EFCAB5: variants seen among roughly 807,000 people sequenced by gnomAD.
EFCAB5 encodes EF-hand calcium binding domain 5.
In EFCAB5, 131 loss-of-function variants were observed where a neutral mutation model predicts 167.9. The ratio of observed to expected loss-of-function variants is 0.78; its 90% CI spans 0.68 to 0.90. The LOEUF is 0.90. EFCAB5 is among the 40% of genes least tolerant of loss of function. EFCAB5 has a pLI of 0.00. For missense variants in EFCAB5, 1,663 were observed against 1,745.2 expected, an observed-to-expected ratio of 0.95 and a Z score of 0.84; for synonymous variants, 574 against 602.8, an observed-to-expected ratio of 0.95 and a Z score of 0.70.
rs754874875 is a variant in EFCAB5, at chr17:30,080,082, C to T, written c.3038C>T (p.Ala1013Val). ...TFKALMQDAE[A>V]HGNKKISAHI... ...AACGTTTTGCTGTAGGATGCTGAAG[C>T]CCATGGAAATAAAAAGATCAGTGCT... Residue 1013 changes from alanine to valine, a missense_variant, in exon 16 of 23, where the codon GCC becomes GTC. Ala to Val is a moderately conservative substitution (Grantham distance 64). Coordinates refer to ENST00000394835, the MANE Select transcript of EFCAB5 (RefSeq NM_198529.4). The T allele has an allele frequency of 3.7e-6, 6 of 1,606,782 alleles. No individual in the cohort carries two copies. The Admixed American group carries it at 1.0e-4, about 28-fold the overall frequency.
At chr17:30,090,813 A>T (rs2071181868) in intron 20 of EFCAB5, 139 bp downstream of exon 20, 1 of 1,259,034 alleles carries the variant, frequency 7.9e-7, no homozygotes, top group Non-Finnish European at 1.1e-6. Context: ...GAATTCCCTT[A>T]TGCAGTCTTG....
chr17:30,044,786 A>G (rs1274899862), intron 8 of EFCAB5, among the ~76,000 whole-genome samples: 1 of 152,192 alleles, frequency 6.6e-6, no homozygotes, highest in African/African-American at 2.4e-5. Context: ...CTCCTAGATT[A>G]TATACCTAAG....
intron 8 of EFCAB5, among the ~76,000 whole-genome samples, chr17:30,046,493 T>C (rs958598227): frequency 6.6e-6 from 1 of 152,208 alleles, no homozygotes; most frequent in Non-Finnish European, 1.5e-5. Context: ...CTCTATTTCT[T>C]GTAGCTTCAG....
At chr17:29,947,308 T>G (rs2067422692) in intron 3 of EFCAB5, among the ~76,000 whole-genome samples, 1 of 152,048 alleles carries the variant, frequency 6.6e-6, no homozygotes, top group African/African-American at 2.4e-5. Context: ...GTGAAGTAAC[T>G]CAAGAATGGA....
upstream of EFCAB5, among the ~76,000 whole-genome samples, chr17:29,939,247 G>A (rs1319526211): frequency 1.3e-5 from 2 of 152,186 alleles, no homozygotes; most frequent in African/African-American, 2.4e-5. Context: ...TCTCAAGGGT[G>A]TATTTAAAAT....
intron 5 of EFCAB5, among the ~76,000 whole-genome samples, 162 bp from the exon 6 acceptor site, chr17:29,996,150 G>C (rs1157289231): frequency 6.6e-6 from 1 of 152,052 alleles, no homozygotes; most frequent in East Asian, 1.9e-4. Context: ...CCCCCTTGTA[G>C]AAAGTATATG....
intron 4 of EFCAB5, among the ~76,000 whole-genome samples, chr17:29,978,520 A>G (rs2068106027): frequency 1.3e-5 from 2 of 152,168 alleles, no homozygotes; most frequent in Non-Finnish European, 2.9e-5. Context: ...CTGCAAGATC[A>G]TGGTCTCCCT....
chr17:29,935,577 C>A (rs2067238178), intron 1 of EFCAB5, among the ~76,000 whole-genome samples: 1 of 151,792 alleles, frequency 6.6e-6, no homozygotes, highest in South Asian at 2.1e-4. Context: ...AGAAACTCTA[C>A]CAGTTATTTG....
At chr17:30,005,211 T>A (rs1367090368) in intron 7 of EFCAB5, among the ~76,000 whole-genome samples, 1 of 152,096 alleles carries the variant, frequency 6.6e-6, no homozygotes, top group Non-Finnish European at 1.5e-5. Context: ...CAACAGTAGG[T>A]ATTATTGAGT....
At chr17:30,093,017 G>T in intron 22 of EFCAB5, 81 bp downstream of exon 22, 1 of 1,087,836 alleles carries the variant, frequency 9.2e-7, no homozygotes, top group Non-Finnish European at 1.3e-6. Context: ...GATAAAGCAA[G>T]TGGGTCATAA....
chr17:30,044,910 A>G (rs1372242509), intron 8 of EFCAB5, among the ~76,000 whole-genome samples: 3 of 152,196 alleles, frequency 2.0e-5, no homozygotes, highest in East Asian at 1.9e-4. Flanking sequence ...CCAAATGTCC[A>G]TCGACTTGTG....
intron 7 of EFCAB5, among the ~76,000 whole-genome samples, chr17:30,021,337 A>G (rs1597681362): frequency 6.8e-6 from 1 of 147,952 alleles, no homozygotes; most frequent in East Asian, 1.9e-4. Context: ...TAAATATTTA[A>G]TAAATATGGT....
At chr17:30,022,823 A>G (rs1452823164) in intron 7 of EFCAB5, among the ~76,000 whole-genome samples, 4 of 152,246 alleles carry the variant, frequency 2.6e-5, no homozygotes, top group African/African-American at 4.8e-5. Flanking sequence ...AAATTATAAC[A>G]AACTATCTCT....
At chr17:29,972,824 G>A (rs2067986545) in intron 4 of EFCAB5, 1 of 216,264 alleles carries the variant, frequency 4.6e-6, no homozygotes, top group South Asian at 8.4e-5. Context: ...GCCTGTTGAT[G>A]GCCATGGTCT....
At chr17:30,054,897 A>G (rs894356984) in intron 10 of EFCAB5, among the ~76,000 whole-genome samples, 1 of 152,192 alleles carries the variant, frequency 6.6e-6, no homozygotes, top group Non-Finnish European at 1.5e-5. Flanking sequence ...CTCTTGTTCA[A>G]GTAACCTTTA....
intron 7 of EFCAB5, among the ~76,000 whole-genome samples, chr17:30,026,607 T>C (rs1450055138): frequency 6.6e-6 from 1 of 152,208 alleles, no homozygotes; most frequent in Non-Finnish European, 1.5e-5. Flanking sequence ...TTTCCAGGAC[T>C]TTTTTAGTTG....
At chr17:29,958,586 A>G (rs1241614201) in intron 3 of EFCAB5, among the ~76,000 whole-genome samples, 1 of 152,124 alleles carries the variant, frequency 6.6e-6, no homozygotes, top group Non-Finnish European at 1.5e-5. Flanking sequence ...CAAAACAGCT[A>G]TTTTGAATTC....
chr17:30,073,507 T>A, intron 14 of EFCAB5: 1 of 569,626 alleles, frequency 1.8e-6, no homozygotes, highest in Non-Finnish European at 3.2e-6. Context: ...TCTCCTTCCA[T>A]CTCTCTTATT....
chr17:30,014,611 T>C (rs2068987513), intron 7 of EFCAB5, among the ~76,000 whole-genome samples: 1 of 152,160 alleles, frequency 6.6e-6, no homozygotes, highest in South Asian at 2.1e-4. Flanking sequence ...TATCAGAAAG[T>C]AGGATTGCAA....
Sources: allele counts gnomAD v4.1 joint callset (sites outside exome capture counted in the v4.1 genomes callset), GRCh38; gene constraint gnomAD v4.1.1; transcripts MANE v1.5; gene names NCBI Gene and HGNC (gene_info 2026-07-23, HGNC 2026-07-21).